Variants in TMEM64 observed in about 807,000 individuals in gnomAD.
TMEM64 encodes the protein transmembrane protein 64.
TMEM64 carries 19 observed loss-of-function variants against 24.5 expected under a neutral mutation model. The ratio of observed to expected loss-of-function variants is 0.78; its 90% CI spans 0.54 to 1.14. TMEM64 has a LOEUF of 1.14. Ranked by LOEUF, TMEM64 falls within the 50% of genes most tolerant of loss-of-function variation. The pLI, the probability that TMEM64 is intolerant of heterozygous loss-of-function variation, is 0.00. For synonymous variants in TMEM64, 262 were observed against 224.7 expected, an observed-to-expected ratio of 1.17 and a Z score of -1.49; for missense variants, 487 against 493.0, an observed-to-expected ratio of 0.99 and a Z score of 0.12.
intron 1 of TMEM64, among the ~76,000 whole-genome samples, chr8:90,637,147 T>C (rs893601108): frequency 8.5e-5 from 13 of 152,250 alleles, no homozygotes; most frequent in Middle Eastern, 6.8e-3. Context: ...AAAAAACTAA[T>C]TCTGAAGAGC....
At chr8:90,630,436 A>G (rs1376071664) in intron 2 of TMEM64, among the ~76,000 whole-genome samples, 1 of 152,198 alleles carries the variant, frequency 6.6e-6, no homozygotes, top group Non-Finnish European at 1.5e-5. Context: ...GGTTTTGAGC[A>G]TAATCTCTAG....
chr8:90,635,540 C>T (rs1809506230), intron 1 of TMEM64, among the ~76,000 whole-genome samples: 2 of 151,888 alleles, frequency 1.3e-5, no homozygotes. Flanking sequence ...AAAATAAAGA[C>T]AGGAAAACTA....
intron 1 of TMEM64, among the ~76,000 whole-genome samples, chr8:90,640,589 T>C (rs13266461): frequency 0.33 from 50,809 of 152,038 alleles, 9,474 homozygotes; most frequent in East Asian, 0.73. Flanking sequence ...GAAGACCCCA[T>C]AGCATAAGCT....
In TMEM64 at chr8:90,625,837, A is replaced by C. The variant is rs1809350536; in HGVS notation, c.977T>G (p.Phe326Cys). The change falls in exon 3 of 3, where the codon TTT becomes TGT. Residue 326 changes from phenylalanine (F) to cysteine (C), a missense_variant. Around this residue, in one of 3 missense-constraint regions of TMEM64, gnomAD observed 10 missense variants for 27.3 expected, o/e 0.37. Coordinates refer to ENST00000458549, the MANE Select transcript of TMEM64 (RefSeq NM_001008495.4). Reference protein sequence around the residue: ...LQIIISIGLMFYVVHRAQVEL... With the variant: ...LQIIISIGLMCYVVHRAQVEL... ...CACTTGAGCTCGATGAACTACATAA[A>C]ACATGAGGCCTATACTTATAATAAT... 2 of 1,612,524 alleles carry C rather than the reference A, an allele frequency of 1.2e-6. No individual in the cohort carries two copies. Among genetic ancestry groups the C allele is most frequent in the Admixed American group, 3.3e-5 (2 of 59,990 alleles).
rs1212613754 is a variant in TMEM64 at position 90,625,674 on chromosome 8, T to C, written c.1140A>G (p.Val380=). 1 of 1,612,960 alleles carries C rather than the reference T, an allele frequency of 6.2e-7. No homozygotes were observed. Among genetic ancestry groups the C allele is most frequent in the African/African-American group, 1.3e-5 (1 of 75,036 alleles). The stretch of plus-strand genomic sequence containing the variant: ...ACAATCACGTATCTCATTAGAATCA[T>C]ACAACATTGATTCCACCTCCAGAAA... ...LTFSGGGINV[V] The change falls in exon 3 of 3, where the codon GTA becomes GTG. Residue 380 remains valine (V), a synonymous_variant. Transcript: ENST00000458549.
chr8:90,633,593 A>G (rs1460501025), intron 1 of TMEM64, among the ~76,000 whole-genome samples: 1 of 152,230 alleles, frequency 6.6e-6, no homozygotes, highest in Non-Finnish European at 1.5e-5. Flanking sequence ...TTCAAATAGT[A>G]AAAAACTTAT....
chr8:90,626,495 A>G (rs1165825230), intron 2 of TMEM64, among the ~76,000 whole-genome samples: 1 of 152,198 alleles, frequency 6.6e-6, no homozygotes, highest in Non-Finnish European at 1.5e-5. Flanking sequence ...TAGAAAAATC[A>G]TCACACTGAT....
In TMEM64 at chr8:90,645,507, G is replaced by C; in HGVS notation, c.399C>G (p.Cys133Trp). 6 of 1,550,554 alleles carry C rather than the reference G, an allele frequency of 3.9e-6. No individual in the cohort carries two copies. The highest frequency in any genetic ancestry group is 5.2e-6 in the Non-Finnish European group (6 of 1,146,974). Residue 133 changes from cysteine to tryptophan, a missense_variant, in exon 1 of 3, where the codon TGC becomes TGG. By Grantham distance (215) the Cys-to-Trp change is radical. Around this residue, in one of 3 missense-constraint regions of TMEM64, gnomAD observed 419 missense variants for 407.5 expected, o/e 1.03. Transcript: ENST00000458549. This position sits in a 1 kb window ranked among gnomAD's most constrained non-coding sequence, Gnocchi z 4.2. Reference protein sequence around the residue: ...LVLVCVLAALCFASLALVRRY... With the variant: ...LVLVCVLAALWFASLALVRRY... The stretch of plus-strand genomic sequence containing the variant: ...GGCGGACCAGGGCCAGGGAAGCGAA[G>C]CACAGGGCGGCCAACACGCAGACCA...
chr8:90,632,530 G>T (rs1456611234), intron 1 of TMEM64, among the ~76,000 whole-genome samples: 2 of 152,088 alleles, frequency 1.3e-5, no homozygotes, highest in African/African-American at 4.8e-5. Context: ...CACCATATTA[G>T]CCAGGATGGT....
intron 1 of TMEM64, among the ~76,000 whole-genome samples, chr8:90,644,730 G>A (rs538691588): frequency 3.2e-4 from 48 of 152,186 alleles, no homozygotes; most frequent in Non-Finnish European, 6.9e-4. Context: ...AACCCTGGAT[G>A]TATTTATGTA....
At chr8:90,644,008 A>T (rs1374608534) in intron 1 of TMEM64, among the ~76,000 whole-genome samples, 2 of 152,240 alleles carry the variant, frequency 1.3e-5, no homozygotes, top group African/African-American at 2.4e-5. Flanking sequence ...ACAAAATGAG[A>T]AAGTTTCCAG....
intron 1 of TMEM64, among the ~76,000 whole-genome samples, chr8:90,640,562 G>A (rs1809589901): frequency 6.6e-6 from 1 of 152,148 alleles, no homozygotes; most frequent in Non-Finnish European, 1.5e-5. Context: ...GGCTACAAAG[G>A]AGCTAAGACA....
In TMEM64 at chr8:90,644,063, A is replaced by G. The variant is rs143671690; in HGVS notation, c.795+1048T>C. Among the ~76,000 whole-genome samples, 5 of 152,374 alleles carry G rather than the reference A, an allele frequency of 3.3e-5. No individual in the cohort carries two copies. The East Asian group carries it at 9.6e-4, about 29-fold the overall frequency. On this transcript the variant is annotated intron_variant, in intron 1 of 2. Transcript: ENST00000458549. Reference sequence around the variant, plus strand: ...TTTTGAAACAAAATAATGCATCAGAATCACTTAAAATACATCAATTCCTAT... The same window carrying G: ...TTTTGAAACAAAATAATGCATCAGAGTCACTTAAAATACATCAATTCCTAT...
chr8:90,645,420 G>A lies in TMEM64; in HGVS notation c.486C>T (p.Leu162=), dbSNP rs550730991. The A allele has an allele frequency of 3.2e-6, 5 of 1,551,750 alleles. No individual in the cohort carries two copies. Among genetic ancestry groups the A allele is most frequent in the Admixed American group, 2.0e-5 (1 of 51,006 alleles). The part of the protein sequence containing the change: ...ESLDSLLGVL[L]FVVGFIVVSF... ...AGACCACGATGAAGCCCACGACGAA[G>A]AGCAGGACCCCCAGCAGCGAGTCAA... Residue 162 remains leucine (L), a synonymous_variant, in exon 1 of 3, where the codon CTC becomes CTT. Transcript: ENST00000458549. This position sits in a 1 kb window ranked among gnomAD's most constrained non-coding sequence, Gnocchi z 4.2.
chr8:90,639,875 T>A (rs1335472913), intron 1 of TMEM64, among the ~76,000 whole-genome samples: 1 of 151,930 alleles, frequency 6.6e-6, no homozygotes, highest in African/African-American at 2.4e-5. Flanking sequence ...TTTAAACAAA[T>A]TTTTTTTAAT....
intron 1 of TMEM64, among the ~76,000 whole-genome samples, chr8:90,632,586 TA>T: frequency 6.6e-6 from 1 of 152,214 alleles, no homozygotes. Flanking sequence ...CCTCCCAAAG[TA>T]CTGGGATTAT....
chr8:90,645,435 C>A lies in TMEM64; in HGVS notation c.471G>T (p.Leu157=), dbSNP rs1809676617. 11 of 1,551,620 alleles carry A rather than the reference C, an allele frequency of 7.1e-6. No individual in the cohort carries two copies. Among genetic ancestry groups the A allele is most frequent in the Non-Finnish European group, 7.8e-6 (9 of 1,147,032 alleles). The change falls in exon 1 of 3, where the codon CTG becomes CTT. Residue 157 remains leucine (L), a synonymous_variant. Transcript: ENST00000458549. This position sits in a 1 kb window ranked among gnomAD's most constrained non-coding sequence, Gnocchi z 4.2. ...LLLWVESLDS[L]LGVLLFVVGF... ...CCACGACGAAGAGCAGGACCCCCAG[C>A]AGCGAGTCAAGGCTCTCCACCCACA...
chr8:90,631,169 T>C (rs1486288511), intron 2 of TMEM64, among the ~76,000 whole-genome samples: 1 of 152,184 alleles, frequency 6.6e-6, no homozygotes, highest in Non-Finnish European at 1.5e-5. Flanking sequence ...GTTTCAATAA[T>C]TTGAATATAA....
intron 1 of TMEM64, among the ~76,000 whole-genome samples, chr8:90,638,031 A>T (rs180998737): frequency 3.4e-4 from 52 of 152,216 alleles, no homozygotes; most frequent in Admixed American, 2.8e-3. Context: ...TCTCTGGGGA[A>T]ATCTATCCAC....
Sources: allele counts gnomAD v4.1 joint callset (sites outside exome capture counted in the v4.1 genomes callset), GRCh38; gene constraint gnomAD v4.1.1; regional missense constraint gnomAD v4.1.1; non-coding constraint Gnocchi (gnomAD v3.1); transcripts MANE v1.5; gene names NCBI Gene and HGNC (gene_info 2026-07-23, HGNC 2026-07-21).